The following NRXN1 variants were observed in gnomAD, a reference collection of about 807,000 sequenced individuals.
NRXN1 encodes the protein neurexin-1.
In NRXN1, 39 loss-of-function variants were observed where a neutral mutation model predicts 150.9. The observed-to-expected ratio is 0.26, with a 90% confidence interval of 0.20 to 0.34. NRXN1 has a LOEUF of 0.34. Ranked by LOEUF, NRXN1 falls within the 10% of genes least tolerant of loss-of-function variation. The probability of loss-of-function intolerance (pLI) is 1.00; values close to 1 mark genes in which losing one functional copy is unlikely to be tolerated. For synonymous variants in NRXN1, 924 were observed against 757.0 expected, an observed-to-expected ratio of 1.22 and a Z score of -3.62; for missense variants, 1,815 against 1,949.9, an observed-to-expected ratio of 0.93 and a Z score of 1.30.
chr2:50,146,441 A>G (rs1651562325), intron 18 of NRXN1, among the ~76,000 whole-genome samples: 3 of 151,764 alleles, frequency 2.0e-5, no homozygotes, highest in South Asian at 4.1e-4. Flanking sequence ...TTGCCCATCA[A>G]TGATAGACTG....
rs537052766 is a variant in NRXN1, at chr2:50,949,827, C to G, written c.773-23872G>C. Among the ~76,000 whole-genome samples, 41 of 152,190 alleles carry G rather than the reference C, an allele frequency of 2.7e-4. No individual in the cohort carries two copies. In the Middle Eastern group the frequency reaches 0.01, roughly 38 times the overall value. On this transcript the variant is annotated intron_variant, in intron 2 of 22. Transcript: ENST00000401669. Reference sequence around the variant, plus strand: ...CTTTGTATTTCATGGGTTAGATATTCCCACAGATGAGTGGTTCCAGAGCCA... The same window carrying G: ...CTTTGTATTTCATGGGTTAGATATTGCCACAGATGAGTGGTTCCAGAGCCA...
intron 5 of NRXN1, among the ~76,000 whole-genome samples, chr2:50,798,994 A>C (rs1707224797): frequency 6.6e-6 from 1 of 152,178 alleles, no homozygotes; most frequent in Non-Finnish European, 1.5e-5. Flanking sequence ...AAGTAATTGC[A>C]GTTTTTACCA....
chr2:50,251,746 C>T (rs1214844429), intron 17 of NRXN1, among the ~76,000 whole-genome samples: 2 of 152,144 alleles, frequency 1.3e-5, no homozygotes, highest in South Asian at 4.2e-4. Flanking sequence ...CGATAGTATA[C>T]GATTGTGGTT....
intron 18 of NRXN1, among the ~76,000 whole-genome samples, chr2:50,154,194 T>G (rs1053288845): frequency 4.0e-5 from 6 of 151,680 alleles, no homozygotes; most frequent in Non-Finnish European, 7.4e-5. Flanking sequence ...TTTTTTATCC[T>G]AATCTACATA....
chr2:50,130,269 T>G (rs1446551918), intron 18 of NRXN1, among the ~76,000 whole-genome samples: 1 of 152,028 alleles, frequency 6.6e-6, no homozygotes, highest in Non-Finnish European at 1.5e-5. Context: ...CTCAATTCTC[T>G]TGATCCACTC....
Position 50,538,314 on chromosome 2 carries a change from C to T in NRXN1, c.2082G>A (p.Gly694=), listed in dbSNP as rs773229921. The T allele has an allele frequency of 3.7e-6, 6 of 1,613,940 alleles. No individual in the cohort carries two copies. The highest frequency in any genetic ancestry group is 2.2e-5 in the East Asian group (1 of 44,880). Residue 694 remains glycine (G), a synonymous_variant, in exon 10 of 23, where the codon GGG becomes GGA. Transcript: ENST00000401669. ...AACAATCACAGACATATCTGTTCCA[C>T]CCATCCCTGCACATGCCATTGTTTT... ...PCKNNGMCRD[G]WNRYVCDCSG...
chr2:49,929,876 CAG>C (rs1487688030), intron 22 of NRXN1, among the ~76,000 whole-genome samples: 1 of 151,992 alleles, frequency 6.6e-6, no homozygotes, highest in Non-Finnish European at 1.5e-5. Flanking sequence ...TATAGTGAGG[CAG>C]AGAGGCATAC....
chr2:50,483,970 C>G (rs990942900), intron 15 of NRXN1, among the ~76,000 whole-genome samples: 4 of 152,034 alleles, frequency 2.6e-5, no homozygotes, highest in Admixed American at 2.6e-4. Context: ...AACAAACGAA[C>G]ATTTATTTTG....
chr2:50,673,940 G>T (rs574070157), intron 5 of NRXN1, among the ~76,000 whole-genome samples: 1 of 151,956 alleles, frequency 6.6e-6, no homozygotes, highest in Non-Finnish European at 1.5e-5. Flanking sequence ...CTCATCACCC[G>T]CCTGTCAGGG....
At chr2:51,008,790 T>C (rs1667416955) in intron 2 of NRXN1, among the ~76,000 whole-genome samples, 1 of 151,764 alleles carries the variant, frequency 6.6e-6, no homozygotes, top group Non-Finnish European at 1.5e-5. Context: ...TTGGAATGTT[T>C]TTATAAAACT....
intron 5 of NRXN1, among the ~76,000 whole-genome samples, chr2:50,750,785 A>C (rs1289298597): frequency 6.6e-6 from 1 of 152,068 alleles, no homozygotes; most frequent in Admixed American, 6.6e-5. Context: ...GAAATTAAAA[A>C]TATGTTTCAC....
At chr2:50,559,371 T>C (rs946202657) in intron 8 of NRXN1, among the ~76,000 whole-genome samples, 17 of 152,326 alleles carry the variant, frequency 1.1e-4, no homozygotes, top group South Asian at 1.0e-3. Flanking sequence ...TTATTTATTA[T>C]TTTGAAATTA....
intron 21 of NRXN1, among the ~76,000 whole-genome samples, chr2:49,998,418 G>A (rs930783416): frequency 3.9e-5 from 6 of 152,104 alleles, no homozygotes; most frequent in African/African-American, 1.4e-4. Context: ...TCAAGATAGG[G>A]AGGATATAAT....
chr2:50,585,881 G>C (rs527914805), intron 8 of NRXN1, among the ~76,000 whole-genome samples: 1 of 152,290 alleles, frequency 6.6e-6, no homozygotes, highest in South Asian at 2.1e-4. Flanking sequence ...AGAAGTGCCA[G>C]CCTCCTAAGA....
chr2:49,924,223 T>G (rs1358654361), intron 22 of NRXN1, among the ~76,000 whole-genome samples: 1 of 152,218 alleles, frequency 6.6e-6, no homozygotes, highest in Non-Finnish European at 1.5e-5. Context: ...CCTAAATCAT[T>G]TTTTCCAGCC....
intron 17 of NRXN1, among the ~76,000 whole-genome samples, chr2:50,432,515 C>T (rs550057690): frequency 6.6e-6 from 1 of 152,286 alleles, no homozygotes; most frequent in African/African-American, 2.4e-5. Flanking sequence ...TTTCCTGTTA[C>T]TTAAGTATAT....
intron 21 of NRXN1, among the ~76,000 whole-genome samples, chr2:49,983,578 G>A (rs1041322256): frequency 6.6e-6 from 1 of 152,080 alleles, no homozygotes. Context: ...TATGCTGTGA[G>A]TCAGATCTTT....
chr2:50,700,260 A>G (rs761126087), intron 5 of NRXN1, among the ~76,000 whole-genome samples: 1 of 152,198 alleles, frequency 6.6e-6, no homozygotes, highest in East Asian at 1.9e-4. Flanking sequence ...CATTTGGAAA[A>G]GTAACCAGCA....
intron 2 of NRXN1, among the ~76,000 whole-genome samples, chr2:50,940,666 A>C (rs546167492): frequency 8.5e-5 from 13 of 152,286 alleles, no homozygotes; most frequent in African/African-American, 3.1e-4. Flanking sequence ...AAGGATAGTA[A>C]GTACAACTTG....
Sources: gnomAD v4.1 joint callset for allele counts (sites outside exome capture counted in the v4.1 genomes callset) on GRCh38, gnomAD v4.1.1 for gene constraint, MANE v1.5 for transcripts, NCBI Gene and HGNC (gene_info 2026-07-23, HGNC 2026-07-21) for gene names.